Variants in GLT8D1 observed in about 807,000 individuals in gnomAD.
The protein encoded by GLT8D1 is glycosyltransferase 8 domain-containing protein 1.
In GLT8D1, 41 loss-of-function variants were observed where a neutral mutation model predicts 46.2. That is an observed-to-expected ratio of 0.89 (90% CI 0.69 to 1.15). The LOEUF is 1.15. Ranked by LOEUF, GLT8D1 falls within the 50% of genes most tolerant of loss-of-function variation. The pLI, the probability that GLT8D1 is intolerant of heterozygous loss-of-function variation, is 0.00. For missense variants in GLT8D1, 408 were observed against 449.3 expected, an observed-to-expected ratio of 0.91 and a Z score of 0.83; for synonymous variants, 150 against 154.2, an observed-to-expected ratio of 0.97 and a Z score of 0.20.
rs930533373 is a variant in GLT8D1, at chr3:52,694,908, A to G, written c.1053T>C (p.Ile351=). The G allele has an allele frequency of 6.2e-7, 1 of 1,611,680 alleles. No individual in the cohort carries two copies. Among genetic ancestry groups the G allele is most frequent in the African/African-American group, 1.3e-5 (1 of 74,880 alleles). The change falls in exon 10 of 10, where the codon ATT becomes ATC. Residue 351 remains isoleucine, a synonymous_variant. Transcript: ENST00000266014. ...GGTTGAATTTGCCTGTTGGGTCTGG[A>G]ATATACCATTTTTCCCAAACATCAG... The part of the protein sequence containing the change: ...SYTDVWEKWY[I]PDPTGKFNLI...
At chr3:52,697,462 A>G (rs1349047962) in intron 4 of GLT8D1, 1 of 487,366 alleles carries the variant, frequency 2.1e-6, no homozygotes, top group Admixed American at 3.3e-5. Flanking sequence ...ATTATTATCA[A>G]AACACCATCA....
intron 1 of GLT8D1, chr3:52,703,264 A>G (rs2097340945): frequency 6.6e-6 from 1 of 151,322 alleles, no homozygotes; most frequent in Non-Finnish European, 1.5e-5. Flanking sequence ...CTCTACTAAA[A>G]ATACAAAAAA....
chr3:52,696,352 CGCACTAGCT>C (rs757933966), intron 5 of GLT8D1, 34 bp from the exon 6 acceptor site: 1 of 1,387,328 alleles, frequency 7.2e-7, no homozygotes, highest in East Asian at 2.3e-5. Context: ...CATAGGATAC[CGCACTAGCT>C]GTGCTTTTAT....
Position 52,695,151 on chromosome 3 carries a change from A to ATTC in GLT8D1, c.925+36_925+38dup, listed in dbSNP as rs1561261839. The ATTC allele has an allele frequency of 2.7e-6, 4 of 1,508,546 alleles. No homozygotes were observed. In the African/African-American group the frequency reaches 5.5e-5, roughly 21 times the overall value. The allele number at this position is 1,508,546 out of a possible 1,614,324, so 93.4% of individuals were successfully genotyped here. The stretch of plus-strand genomic sequence containing the variant: ...CCTGAGGATAGTTCTTTAGATACCA[A>ATTC]TTCTTTACTAGCTTATGCCACTGGT... On this transcript the variant is annotated intron_variant, in intron 9 of 9. Coordinates refer to ENST00000266014, the MANE Select transcript of GLT8D1 (RefSeq NM_018446.4).
chr3:52,699,555 T>TA (rs1267602899), intron 3 of GLT8D1, among the ~76,000 whole-genome samples: 1 of 152,214 alleles, frequency 6.6e-6, no homozygotes, highest in Non-Finnish European at 1.5e-5. Context: ...AGTGCTGAGA[T>TA]GGTCTCGATC....
chr3:52,697,430 C>G (rs1043473829), intron 4 of GLT8D1: 3 of 396,476 alleles, frequency 7.6e-6, no homozygotes, highest in African/African-American at 6.1e-5. Flanking sequence ...TCAACATTTA[C>G]TGCTCCCTTC....
Position 52,696,235 on chromosome 3 carries a change from T to A in GLT8D1, c.531A>T (p.Gln177His). Residue 177 changes from glutamine to histidine, a missense_variant and splice_region_variant, in exon 6 of 10, where the codon CAA becomes CAT. Physicochemically the swap from Gln to His is conservative, Grantham distance 24 (BLOSUM62 0). Coordinates refer to ENST00000266014, the MANE Select transcript of GLT8D1 (RefSeq NM_018446.4). ...AIYMDDDVIV[Q>H]GDILALYNTA... ...CACTCATGGTGACATTTTTGATACC[T>A]TGCACAATTACATCATCATCCATGT... 6.3e-7 allele frequency: 1 copy of A among 1,596,436 alleles called. No homozygotes were observed. Among genetic ancestry groups the A allele is most frequent in the Non-Finnish European group, 8.6e-7 (1 of 1,163,882 alleles).
intron 3 of GLT8D1, among the ~76,000 whole-genome samples, chr3:52,698,135 C>G (rs1237136133): frequency 6.6e-6 from 1 of 152,178 alleles, no homozygotes; most frequent in Non-Finnish European, 1.5e-5. Flanking sequence ...TTAAAATACA[C>G]TGACAGCACT....
chr3:52,704,901 C>T (rs1254569020), intron 1 of GLT8D1: 2 of 152,330 alleles, frequency 1.3e-5, no homozygotes, highest in Non-Finnish European at 2.9e-5. Flanking sequence ...GCTCTGGGCT[C>T]TTCCAAGGCA....
At chr3:52,697,964 C>A (rs762258062) in intron 3 of GLT8D1, 30 bp from the exon 4 acceptor site, 1 of 1,362,342 alleles carries the variant, frequency 7.3e-7, no homozygotes, top group East Asian at 2.3e-5. Context: ...ACTGTGATTA[C>A]AATCTCATGG....
chr3:52,697,450 GTAT>G (rs1205238647), intron 4 of GLT8D1: 5 of 455,678 alleles, frequency 1.1e-5, no homozygotes, highest in East Asian at 4.2e-5. Flanking sequence ...CACTGAGAAA[GTAT>G]TATTATCAAA....
chr3:52,696,407 T>C (rs2097333631), intron 5 of GLT8D1, 89 bp from the exon 6 acceptor site: 1 of 1,079,692 alleles, frequency 9.3e-7, no homozygotes, highest in East Asian at 2.4e-5. Flanking sequence ...TCAGTACCCA[T>C]TCAGGAGAAG....
Position 52,695,965 on chromosome 3 carries a change from G to A in GLT8D1, c.608C>T (p.Ala203Val). The A allele has an allele frequency of 6.2e-7, 1 of 1,611,692 alleles. No homozygotes were observed. The change falls in exon 7 of 10, where the codon GCC (alanine) becomes GTC (valine). Residue 203 changes from alanine (A) to valine (V), a missense_variant. By Grantham distance (64) the Ala-to-Val change is moderately conservative. Transcript: ENST00000266014. ...AAAFSEDCDS[A>V]STKVVIRGAG... ...TCCACGGATGACAACTTTAGTAGAG[G>A]CTGAATCACAATCTTCTGAAAATGC...
At position 52,694,675 on chromosome 3, in the gene GLT8D1, G is replaced by A; in HGVS notation, c.*170C>T. The A allele has an allele frequency of 1.5e-6, 1 of 663,400 alleles. No individual in the cohort carries two copies. Among genetic ancestry groups the A allele is most frequent in the Non-Finnish European group, 2.7e-6 (1 of 364,488 alleles). 41.1% of individuals were successfully genotyped at this position (663,400 alleles called of 1,614,324 possible). Reference sequence around the variant, plus strand: ...GAGACATATTTATAGTCTATAGTCTGTCTGGGAAGCTGACTGCCAGACAGG... The same window carrying A: ...GAGACATATTTATAGTCTATAGTCTATCTGGGAAGCTGACTGCCAGACAGG... On this transcript the variant is annotated 3_prime_UTR_variant, in exon 10 of 10. Transcript: ENST00000266014.
chr3:52,695,114 A>C (rs1261510328), intron 9 of GLT8D1, 76 bp downstream of exon 9: 2 of 1,424,090 alleles, frequency 1.4e-6, no homozygotes, highest in East Asian at 2.3e-5. Flanking sequence ...GAAACAAAGA[A>C]TATACCCCAT....
intron 6 of GLT8D1, 37 bp downstream of exon 6, chr3:52,696,197 G>T: frequency 7.3e-7 from 1 of 1,367,558 alleles, no homozygotes; most frequent in Non-Finnish European, 1.0e-6. Flanking sequence ...TACCCAATCT[G>T]GGTGGAGAAC....
At chr3:52,695,612 T>A in intron 7 of GLT8D1, 25 bp from the exon 8 acceptor site, 1 of 1,373,226 alleles carries the variant, frequency 7.3e-7, no homozygotes, top group Non-Finnish European at 1.0e-6. Flanking sequence ...AGGATATATG[T>A]ACTTACTGCT....
At position 52,705,776 on chromosome 3, in the gene GLT8D1, G is replaced by C; in HGVS notation, c.-366C>G. 3 of 1,201,500 alleles carry C rather than the reference G, an allele frequency of 2.5e-6. No individual in the cohort carries two copies. The highest frequency in any genetic ancestry group is 3.2e-6 in the Non-Finnish European group (3 of 941,960). The allele number at this position is 1,201,500 out of a possible 1,614,324, so 74.4% of individuals were successfully genotyped here. A position where few individuals can be genotyped will look rare whatever the true frequency, so the allele number is the denominator to read the frequency against. On this transcript the variant is annotated 5_prime_UTR_variant, in exon 1 of 10. Transcript: ENST00000266014. ...GCAGCGGTAACCGCTAGAGCGTCGCGCCAAGCAGGCGCCGCGGGGCAGCCC... is the reference window on the plus strand; with the variant it reads ...GCAGCGGTAACCGCTAGAGCGTCGCCCCAAGCAGGCGCCGCGGGGCAGCCC...
chr3:52,696,259 G>A lies in GLT8D1; in HGVS notation c.507C>T (p.Tyr169=), dbSNP rs759167757. The stretch of plus-strand genomic sequence containing the variant: ...CTTGCACAATTACATCATCATCCAT[G>A]TATATGGCCTTCTTTGCGCTGGGAA... ...ILVPSAKKAI[Y]MDDDVIVQGD... The change falls in exon 6 of 10, where the codon TAC becomes TAT. Residue 169 remains tyrosine, a synonymous_variant. Coordinates refer to ENST00000266014, the MANE Select transcript of GLT8D1 (RefSeq NM_018446.4). The A allele has an allele frequency of 6.8e-6, 11 of 1,609,356 alleles. No homozygotes were observed. Among genetic ancestry groups the A allele is most frequent in the Middle Eastern group, 3.3e-4 (2 of 6,054 alleles).
Sources: allele counts gnomAD v4.1 joint callset (sites outside exome capture counted in the v4.1 genomes callset), GRCh38; gene constraint gnomAD v4.1.1; transcripts MANE v1.5; gene names NCBI Gene and HGNC (gene_info 2026-07-23, HGNC 2026-07-21).